MB: variants seen among roughly 807,000 people sequenced by gnomAD.
The protein encoded by MB is myoglobin, also known as nitrite reductase MB.
A neutral mutation model predicts 14.5 loss-of-function variants in MB; 10 were observed. The ratio of observed to expected loss-of-function variants is 0.69; its 90% CI spans 0.43 to 1.17. The LOEUF is 1.17. Ranked by LOEUF, MB falls within the 50% of genes most tolerant of loss-of-function variation. MB has a pLI of 0.00. For synonymous variants in MB, 89 were observed against 78.6 expected (o/e 1.13, Z -0.70); for missense variants, 169 against 192.7 (o/e 0.88, Z 0.73).
chr22:35,618,557 C>T (rs932561915), upstream of MB, among the ~76,000 whole-genome samples: 3 of 151,992 alleles, frequency 2.0e-5, no homozygotes, highest in Non-Finnish European at 2.9e-5. Context: ...ATCTCTTTGT[C>T]TATCCATGCA....
chr22:35,621,023 C>T (rs1379172778), upstream of MB, among the ~76,000 whole-genome samples: 4 of 152,340 alleles, frequency 2.6e-5, no homozygotes, highest in East Asian at 7.7e-4. Flanking sequence ...TGTACTCACA[C>T]ATCTCTACAA....
upstream of MB, among the ~76,000 whole-genome samples, chr22:35,621,182 A>G (rs1923438047): frequency 6.6e-6 from 1 of 152,224 alleles, no homozygotes; most frequent in South Asian, 2.1e-4. Flanking sequence ...CTTTGTGTGC[A>G]AAACTTTCTA....
At chr22:35,611,161 G>A (rs779399777) in intron 1 of MB, 55 bp from the exon 2 acceptor site, 2 of 1,306,464 alleles carry the variant, frequency 1.5e-6, no homozygotes, top group Admixed American at 3.4e-5. Flanking sequence ...TGAGGTCTGG[G>A]GGCAGCCAGA....
upstream of MB, among the ~76,000 whole-genome samples, chr22:35,618,555 G>A (rs1300328593): frequency 6.6e-6 from 1 of 151,248 alleles, no homozygotes; most frequent in African/African-American, 2.4e-5. Flanking sequence ...TCATCTCTTT[G>A]TCTATCCATG....
intron 1 of MB, among the ~76,000 whole-genome samples, chr22:35,616,805 C>T (rs986360324): frequency 6.6e-6 from 1 of 152,144 alleles, no homozygotes; most frequent in Non-Finnish European, 1.5e-5. Flanking sequence ...AAATGTCCTC[C>T]CCTTCTCAGT....
At chr22:35,616,924 A>G (rs1923118108) in intron 1 of MB, among the ~76,000 whole-genome samples, 1 of 152,172 alleles carries the variant, frequency 6.6e-6, no homozygotes. Context: ...GACTCTGAGC[A>G]TCCTAGGTTT....
chr22:35,607,131 G>A lies in MB; in HGVS notation c.*166C>T. On this transcript the variant is annotated 3_prime_UTR_variant, in exon 3 of 3. Transcript: ENST00000397326. Reference sequence around the variant, plus strand: ...CACAGGGAGGCGCATCGCTGGGCATGCAAAGCCAACTTCAACACCCCAGCC... The same window carrying A: ...CACAGGGAGGCGCATCGCTGGGCATACAAAGCCAACTTCAACACCCCAGCC... The A allele has an allele frequency of 1.4e-6, 1 of 720,238 alleles. No homozygotes were observed. The highest frequency in any genetic ancestry group is 2.2e-6 in the Non-Finnish European group (1 of 457,622). The allele number at this position is 720,238 out of a possible 1,614,324, so 44.6% of individuals were successfully genotyped here.
At chr22:35,618,155 T>G (rs1307619040), upstream of MB, among the ~76,000 whole-genome samples, 1 of 152,174 alleles carries the variant, frequency 6.6e-6, no homozygotes, top group African/African-American at 2.4e-5. Context: ...CCCAATGTGA[T>G]AGGTACTGAC....
intron 2 of MB, 50 bp downstream of exon 2, chr22:35,610,834 C>G (rs772333334): frequency 3.4e-6 from 5 of 1,482,042 alleles, no homozygotes; most frequent in Non-Finnish European, 4.7e-6. Context: ...CCCATTGCCC[C>G]ACCCGAGGCC....
chr22:35,611,321 A>G (rs1470695564), intron 1 of MB, among the ~76,000 whole-genome samples: 1 of 152,188 alleles, frequency 6.6e-6, no homozygotes, highest in East Asian at 1.9e-4. Context: ...GCTATGTACC[A>G]ACAGGGTGTC....
chr22:35,621,155 T>C (rs571821310), upstream of MB, among the ~76,000 whole-genome samples: 20 of 152,148 alleles, frequency 1.3e-4, no homozygotes, highest in Non-Finnish European at 2.4e-4. Context: ...AGACACATGA[T>C]AGGAAAGCCA....
intron 1 of MB, among the ~76,000 whole-genome samples, chr22:35,612,394 GT>G (rs1443948007): frequency 1.3e-5 from 2 of 152,106 alleles, no homozygotes; most frequent in Non-Finnish European, 2.9e-5. Context: ...TGAGTTCATG[GT>G]TTTTTTGTTT....
intron 1 of MB, among the ~76,000 whole-genome samples, chr22:35,614,112 A>G (rs1236021514): frequency 3.9e-5 from 6 of 152,184 alleles, no homozygotes; most frequent in Admixed American, 3.9e-4. Flanking sequence ...CAAGTCAGAG[A>G]GAAGGGAGGC....
At chr22:35,621,683 A>G (rs1005556323), upstream of MB, among the ~76,000 whole-genome samples, 6 of 152,308 alleles carry the variant, frequency 3.9e-5, no homozygotes, top group Middle Eastern at 3.4e-3. Context: ...AGATGCCTCC[A>G]TGTCACGTGC....
rs528764791 is a variant in MB at position 35,612,794 on chromosome 22, C to T, written c.96-1688G>A. Among the ~76,000 whole-genome samples the T allele has an allele frequency of 3.2e-4, 48 of 152,350 alleles. 1 individual carries two copies. Among genetic ancestry groups the T allele is most frequent in the African/African-American group, 1.1e-3 (44 of 41,568 alleles). On this transcript the variant is annotated intron_variant, in intron 1 of 2. Transcript: ENST00000397326. ...ATATTTACAGGCAAACTGATACCTA[C>T]ATGGACATGTATCAACACCTCACAC...
chr22:35,607,168 G>C lies in MB; in HGVS notation c.*129C>G. ...TCAACACCCCAGCCCCAGCCCCTCAGCTCCTCCTGCCCACCTCTACTAAAC... is the reference window on the plus strand; with the variant it reads ...TCAACACCCCAGCCCCAGCCCCTCACCTCCTCCTGCCCACCTCTACTAAAC... On this transcript the variant is annotated 3_prime_UTR_variant, in exon 3 of 3. Transcript: ENST00000397326. 1 of 1,128,618 alleles carries C rather than the reference G, an allele frequency of 8.9e-7. No homozygotes were observed. The highest frequency in any genetic ancestry group is 1.2e-6 in the Non-Finnish European group (1 of 808,258). The allele number at this position is 1,128,618 out of a possible 1,614,324, so 69.9% of individuals were successfully genotyped here. A position where few individuals can be genotyped will look rare whatever the true frequency, so the allele number is the denominator to read the frequency against.
chr22:35,609,424 C>T (rs145086723), intron 2 of MB, among the ~76,000 whole-genome samples: 32 of 152,208 alleles, frequency 2.1e-4, no homozygotes, highest in Admixed American at 5.2e-4. Context: ...GCAGGGACGG[C>T]CTCACATGCA....
intron 1 of MB, among the ~76,000 whole-genome samples, chr22:35,615,326 G>C (rs748140308): frequency 1.3e-5 from 2 of 152,180 alleles, no homozygotes; most frequent in Non-Finnish European, 2.9e-5. Flanking sequence ...AGAACCAGCT[G>C]GCACAGTCTC....
chr22:35,619,706 AAG>A (rs1923341400), upstream of MB, among the ~76,000 whole-genome samples: 1 of 152,242 alleles, frequency 6.6e-6, no homozygotes, highest in African/African-American at 2.4e-5. Flanking sequence ...TAGCTAGAAA[AAG>A]AGTTAAATTC....
Sources: allele counts gnomAD v4.1 joint callset (sites outside exome capture counted in the v4.1 genomes callset), GRCh38; gene constraint gnomAD v4.1.1; transcripts MANE v1.5; gene names NCBI Gene and HGNC (gene_info 2026-07-23, HGNC 2026-07-21).